The following DLAT variants were observed in gnomAD, a reference collection of about 807,000 sequenced individuals.
The protein encoded by DLAT is dihydrolipoyllysine-residue acetyltransferase component of pyruvate dehydrogenase complex, mitochondrial.
DLAT carries 43 observed loss-of-function variants against 68.0 expected under a neutral mutation model. The observed-to-expected ratio is 0.63, with a 90% CI of 0.50 to 0.81. DLAT has a LOEUF of 0.81. DLAT is among the 40% of genes least tolerant of loss of function. The pLI is 0.00. For missense variants in DLAT, 745 were observed against 815.4 expected (o/e 0.91, Z 1.05); for synonymous variants, 265 against 288.6 (o/e 0.92, Z 0.83).
Position 112,028,795 on chromosome 11 carries a change from T to A in DLAT, c.510T>A (p.Pro170=), listed in dbSNP as rs367605727. 1 of 1,614,190 alleles carries A rather than the reference T, an allele frequency of 6.2e-7. No individual in the cohort carries two copies. ...GAIICITVGK[P]EDIEAFKNYT... ...ATGCATTCTTTCTCTTCCTTAGGCC[T>A]GAGGATATTGAGGCCTTTAAAAATT... The change falls in exon 4 of 14, where the codon CCT becomes CCA. Residue 170 remains proline, a synonymous_variant. Transcript: ENST00000280346.
chr11:112,028,173 C>T (rs1343770848), intron 2 of DLAT, among the ~76,000 whole-genome samples: 1 of 152,098 alleles, frequency 6.6e-6, no homozygotes, highest in Non-Finnish European at 1.5e-5. Context: ...TGAAATCTGT[C>T]GTAGTGGCCT....
At chr11:112,046,521 T>C (rs1452093281) in intron 10 of DLAT, among the ~76,000 whole-genome samples, 1 of 152,006 alleles carries the variant, frequency 6.6e-6, no homozygotes, top group East Asian at 1.9e-4. Context: ...AACGTGCAGG[T>C]TTGTTACATA....
intron 7 of DLAT, among the ~76,000 whole-genome samples, chr11:112,041,517 A>G (rs1020627192): frequency 2.6e-5 from 4 of 152,194 alleles, no homozygotes; most frequent in Admixed American, 6.5e-5. Flanking sequence ...GGGAAAGATC[A>G]TTTTGGATAG....
chr11:112,026,968 CGGGGCGGCTGGCTGGGCGG>C (rs1375711052), intron 2 of DLAT, among the ~76,000 whole-genome samples: 1 of 150,300 alleles, frequency 6.7e-6, no homozygotes, highest in Non-Finnish European at 1.5e-5. Flanking sequence ...CCCTCCCGGA[CGGGGCGGCTGGCTGGGCGG>C]GGGGCTGGCC....
chr11:112,060,849 T>G (rs1391976537), intron 12 of DLAT, among the ~76,000 whole-genome samples, 189 bp from the exon 13 acceptor site: 1 of 152,170 alleles, frequency 6.6e-6, no homozygotes, highest in Non-Finnish European at 1.5e-5. Flanking sequence ...TGTTTGAAAA[T>G]AAGACATTTT....
At chr11:112,060,337 T>G (rs1555183084) in intron 12 of DLAT, among the ~76,000 whole-genome samples, 1 of 151,890 alleles carries the variant, frequency 6.6e-6, no homozygotes, top group East Asian at 1.9e-4. Context: ...GTTTTTTGTA[T>G]TTTTAGTAGA....
At chr11:112,028,015 C>T (rs1862171884) in intron 2 of DLAT, among the ~76,000 whole-genome samples, 1 of 152,120 alleles carries the variant, frequency 6.6e-6, no homozygotes, top group African/African-American at 2.4e-5. Flanking sequence ...ATTGACTGAA[C>T]ATTGACTTTC....
intron 13 of DLAT, among the ~76,000 whole-genome samples, chr11:112,062,038 G>C (rs782524809): frequency 1.3e-5 from 2 of 152,296 alleles, no homozygotes; most frequent in East Asian, 3.9e-4. Context: ...TCTAGGTGAG[G>C]AGTCAGCATG....
intron 9 of DLAT, 40 bp from the exon 10 acceptor site, chr11:112,045,823 A>C: frequency 7.6e-7 from 1 of 1,323,858 alleles, no homozygotes; most frequent in Non-Finnish European, 1.1e-6. Flanking sequence ...TTAAGGTCTT[A>C]ACTCAAGATA....
Position 112,039,368 on chromosome 11 carries a change from A to G in DLAT, c.1100A>G (p.Glu367Gly). 6.2e-7 allele frequency: 1 copy of G among 1,614,148 alleles called. No homozygotes were observed. The highest frequency in any genetic ancestry group is 8.5e-7 in the Non-Finnish European group (1 of 1,180,016). Residue 367 changes from glutamate (E) to glycine (G), a missense_variant, in exon 7 of 14, where the codon GAG becomes GGG. By Grantham distance (98) the Glu-to-Gly change is moderately conservative (BLOSUM62 -2). Coordinates refer to ENST00000280346, the MANE Select transcript of DLAT (RefSeq NM_001931.5). ...CCTCTTGCAAAGAAGTTGGCAGTAG[A>G]GAAAGGGATTGATCTTACACAAGTA... is the stretch of plus-strand genomic sequence containing the variant. ...VSPLAKKLAVEKGIDLTQVKG... is the reference protein window; with the variant it reads ...VSPLAKKLAVGKGIDLTQVKG...
Position 112,051,372 on chromosome 11 carries a change from T to C in DLAT, c.1514+23T>C, listed in dbSNP as rs752563788. ...ACAGTAAGTATAACTGGGGAAGATATATATCCATCGGTAGTTTTCTTGTAT... is the reference window on the plus strand; with the variant it reads ...ACAGTAAGTATAACTGGGGAAGATACATATCCATCGGTAGTTTTCTTGTAT... On this transcript the variant is annotated intron_variant, in intron 11 of 13. Transcript: ENST00000280346. This position sits in a 1 kb window ranked among gnomAD's most constrained non-coding sequence, Gnocchi z 4.3. 1 of 1,498,142 alleles carries C rather than the reference T, an allele frequency of 6.7e-7. No individual in the cohort carries two copies. The allele number at this position is 1,498,142 out of a possible 1,614,324, so 92.8% of individuals were successfully genotyped here. A position where few individuals can be genotyped will look rare whatever the true frequency, so the allele number is the denominator to read the frequency against.
intron 4 of DLAT, chr11:112,032,492 T>G (rs1298505256): frequency 1.3e-5 from 2 of 150,790 alleles, no homozygotes; most frequent in Non-Finnish European, 3.0e-5. Flanking sequence ...CAAATAATGT[T>G]TTTTTTTTTA....
chr11:112,041,755 G>A (rs1318894032), intron 7 of DLAT, among the ~76,000 whole-genome samples: 5 of 152,114 alleles, frequency 3.3e-5, no homozygotes, highest in Non-Finnish European at 5.9e-5. Flanking sequence ...GGTGGCAGGC[G>A]CCTGTGGTCC....
Position 112,026,857 on chromosome 11 carries a change from G to A in DLAT, c.381+558G>A, listed in dbSNP as rs1862050823. Among the ~76,000 whole-genome samples the A allele has an allele frequency of 8.5e-5, 13 of 152,244 alleles. No individual in the cohort carries two copies. The South Asian group carries it at 2.7e-3, about 32-fold the overall frequency. On this transcript the variant is annotated intron_variant, in intron 2 of 13. Transcript: ENST00000280346. ...CACCTCCCAGACAGGGTGGTGGCCGGGCAGAGGGGCTCCTCACTTCCCAGT... is the reference window on the plus strand; with the variant it reads ...CACCTCCCAGACAGGGTGGTGGCCGAGCAGAGGGGCTCCTCACTTCCCAGT...
In DLAT at chr11:112,045,851, CTT is replaced by C; in HGVS notation, c.1291-10_1291-9del. The C allele has an allele frequency of 1.3e-6, 2 of 1,559,790 alleles. No individual in the cohort carries two copies. Among genetic ancestry groups the C allele is most frequent in the Non-Finnish European group, 1.8e-6 (2 of 1,130,970 alleles). On this transcript the variant is annotated splice_polypyrimidine_tract_variant and intron_variant, in intron 9 of 13. Coordinates refer to ENST00000280346, the MANE Select transcript of DLAT (RefSeq NM_001931.5). ...TCAAGATAATTGATTTTTTAAATCTCTTTGGTTTCAGGTTATTGCACAGCGAT... is the reference window on the plus strand; with the variant it reads ...TCAAGATAATTGATTTTTTAAATCTCTGGTTTCAGGTTATTGCACAGCGAT...
At chr11:112,055,633 C>T (rs1049676255) in intron 11 of DLAT, among the ~76,000 whole-genome samples, 1 of 152,018 alleles carries the variant, frequency 6.6e-6, no homozygotes, top group East Asian at 1.9e-4. Flanking sequence ...CCTTTCAGTT[C>T]TCTCCTTCTA....
chr11:112,034,582 A>G (rs1401168438), intron 5 of DLAT, among the ~76,000 whole-genome samples: 52 of 151,418 alleles, frequency 3.4e-4, no homozygotes, highest in African/African-American at 1.2e-3. Flanking sequence ...AGCTGGGACT[A>G]CAGGTGCCCG....
chr11:112,059,892 T>C lies in DLAT; in HGVS notation c.1515-11T>C. ...CAGTTTTTTATTATATTTATTTTTCTTTTTAAACAGAAATCATGTTGTTGA... is the reference window on the plus strand; with the variant it reads ...CAGTTTTTTATTATATTTATTTTTCCTTTTAAACAGAAATCATGTTGTTGA... On this transcript the variant is annotated splice_polypyrimidine_tract_variant and intron_variant, in intron 11 of 13. Transcript: ENST00000280346. The C allele has an allele frequency of 6.3e-7, 1 of 1,574,806 alleles. No homozygotes were observed. Among genetic ancestry groups the C allele is most frequent in the South Asian group, 1.2e-5 (1 of 86,002 alleles).
At chr11:112,027,411 C>A (rs1353743292) in intron 2 of DLAT, among the ~76,000 whole-genome samples, 1 of 151,396 alleles carries the variant, frequency 6.6e-6, no homozygotes, top group East Asian at 2.0e-4. Flanking sequence ...TCCTCACTTT[C>A]CAGACTGGGC....
Sources: allele counts gnomAD v4.1 joint callset (sites outside exome capture counted in the v4.1 genomes callset), GRCh38; gene constraint gnomAD v4.1.1; non-coding constraint Gnocchi (gnomAD v3.1); transcripts MANE v1.5; gene names NCBI Gene and HGNC (gene_info 2026-07-23, HGNC 2026-07-21).